The following SORCS2 variants were observed in gnomAD, a reference collection of about 807,000 sequenced individuals.
SORCS2 encodes the protein sortilin related VPS10 domain containing receptor 2, also known as VPS10 domain-containing receptor SorCS2.
In SORCS2, 100 loss-of-function variants were observed where a neutral mutation model predicts 141.6. The ratio of observed to expected loss-of-function variants is 0.71; its 90% CI spans 0.60 to 0.83. The LOEUF (loss-of-function observed/expected upper bound fraction) is 0.83, where lower values mean the gene tolerates loss of function less well. Among genes scored for constraint, SORCS2 ranks in the 40% least tolerant of loss-of-function variants. SORCS2 has a pLI of 0.00. For synonymous variants in SORCS2, 789 were observed against 676.9 expected (o/e 1.17, Z -2.57); for missense variants, 1,646 against 1,560.2 (o/e 1.05, Z -0.93).
intron 1 of SORCS2, among the ~76,000 whole-genome samples, chr4:7,392,740 G>C (rs775612109): frequency 5.3e-5 from 8 of 152,024 alleles, no homozygotes; most frequent in Non-Finnish European, 8.8e-5. Flanking sequence ...CATCACAGAG[G>C]GGGGAGGGCA....
intron 1 of SORCS2, among the ~76,000 whole-genome samples, chr4:7,298,626 G>C (rs1001545891): frequency 4.6e-5 from 7 of 152,186 alleles, no homozygotes; most frequent in African/African-American, 1.7e-4. Flanking sequence ...ACGGGAGAGG[G>C]CTGCCTGTCT....
chr4:7,434,432 G>A (rs768726316), intron 2 of SORCS2: 1 of 1,609,396 alleles, frequency 6.2e-7, no homozygotes, highest in Admixed American at 1.7e-5. Context: ...AGTGGCCTCA[G>A]GGTGGCCAGG....
intron 2 of SORCS2, among the ~76,000 whole-genome samples, chr4:7,404,086 G>A (rs1040467247): frequency 7.4e-5 from 11 of 148,818 alleles, no homozygotes; most frequent in African/African-American, 2.2e-4. Flanking sequence ...TGGGTTCTAC[G>A]TTCTGTTCCA....
At chr4:7,632,175 C>G (rs1719936958) in intron 3 of SORCS2, among the ~76,000 whole-genome samples, 2 of 152,132 alleles carry the variant, frequency 1.3e-5, no homozygotes, top group South Asian at 4.1e-4. Flanking sequence ...TTGCTGGTCC[C>G]CGTAAACTGT....
At chr4:7,503,436 A>G (rs1732091441) in intron 2 of SORCS2, among the ~76,000 whole-genome samples, 1 of 152,204 alleles carries the variant, frequency 6.6e-6, no homozygotes. Context: ...TGAGCTAGAG[A>G]CCGAGATGGA....
chr4:7,684,713 C>A (rs1444949543), intron 10 of SORCS2, among the ~76,000 whole-genome samples: 1 of 151,918 alleles, frequency 6.6e-6, no homozygotes, highest in Non-Finnish European at 1.5e-5. Flanking sequence ...AGGCACTGTT[C>A]TGCAGGCTCA....
chr4:7,466,040 C>G (rs1013593207), intron 2 of SORCS2, among the ~76,000 whole-genome samples: 4 of 152,154 alleles, frequency 2.6e-5, no homozygotes, highest in Admixed American at 6.5e-5. Context: ...TCTCACAGCT[C>G]GAAGACTATT....
At chr4:7,536,713 T>C (rs1157878333) in intron 3 of SORCS2, among the ~76,000 whole-genome samples, 1 of 152,200 alleles carries the variant, frequency 6.6e-6, no homozygotes, top group African/African-American at 2.4e-5. Context: ...AAAAATGGCC[T>C]TTATCATTGC....
At chr4:7,198,191 G>C (rs1727276715) in intron 1 of SORCS2, among the ~76,000 whole-genome samples, 1 of 152,128 alleles carries the variant, frequency 6.6e-6, no homozygotes, top group African/African-American at 2.4e-5. Context: ...TGCGTGGCTG[G>C]GCGCACAGGA....
At chr4:7,656,200 C>G (rs888209136) in intron 5 of SORCS2, among the ~76,000 whole-genome samples, 2 of 152,374 alleles carry the variant, frequency 1.3e-5, no homozygotes, top group African/African-American at 4.8e-5. Context: ...TTTTGTGAAG[C>G]TACACAGCAA....
At chr4:7,292,790 T>C (rs1233355553) in intron 1 of SORCS2, among the ~76,000 whole-genome samples, 1 of 152,212 alleles carries the variant, frequency 6.6e-6, no homozygotes, top group Non-Finnish European at 1.5e-5. Context: ...TTGATGAAGA[T>C]GCTACGAGCA....
chr4:7,624,670 A>G (rs116552101), intron 3 of SORCS2, among the ~76,000 whole-genome samples: 1 of 152,232 alleles, frequency 6.6e-6, no homozygotes. Context: ...TAAATGAACA[A>G]ATTGTTCACA....
intron 3 of SORCS2, among the ~76,000 whole-genome samples, chr4:7,614,160 CCCATCCA>C (rs769578696): frequency 6.6e-6 from 1 of 151,656 alleles, no homozygotes. Flanking sequence ...TACCCATCCA[CCCATCCA>C]CCATCCACCC....
intron 15 of SORCS2, among the ~76,000 whole-genome samples, chr4:7,713,524 C>T (rs953918240): frequency 3.3e-5 from 5 of 152,086 alleles, no homozygotes; most frequent in African/African-American, 4.8e-5. Flanking sequence ...TTGGGCTCAA[C>T]TTGAATTCAG....
At chr4:7,348,929 T>C (rs1174955702) in intron 1 of SORCS2, among the ~76,000 whole-genome samples, 1 of 152,230 alleles carries the variant, frequency 6.6e-6, no homozygotes, top group Admixed American at 6.5e-5. Flanking sequence ...GCGGCCTCAC[T>C]TTGTTGGAAA....
At chr4:7,633,060 A>G (rs948184185) in intron 3 of SORCS2, among the ~76,000 whole-genome samples, 1 of 152,172 alleles carries the variant, frequency 6.6e-6, no homozygotes, top group Non-Finnish European at 1.5e-5. Context: ...AGAATTTTGT[A>G]CTCAGAAAAT....
At chr4:7,627,834 T>C (rs1201398002) in intron 3 of SORCS2, among the ~76,000 whole-genome samples, 1 of 152,216 alleles carries the variant, frequency 6.6e-6, no homozygotes, top group Non-Finnish European at 1.5e-5. Flanking sequence ...CCACTTTCGG[T>C]ATCTGGTGGA....
intron 1 of SORCS2, among the ~76,000 whole-genome samples, chr4:7,265,029 C>T (rs992410098): frequency 2.0e-5 from 3 of 152,274 alleles, no homozygotes; most frequent in Non-Finnish European, 2.9e-5. Flanking sequence ...GCCGCCCTGG[C>T]GCCAGGCTTC....
intron 7 of SORCS2, among the ~76,000 whole-genome samples, chr4:7,666,872 C>CAT (rs371673908): frequency 5.3e-4 from 81 of 152,160 alleles, no homozygotes; most frequent in African/African-American, 1.9e-3. Flanking sequence ...TGCAGAGCAG[C>CAT]AAGGTGCTGA....
Sources: allele counts gnomAD v4.1 joint callset (sites outside exome capture counted in the v4.1 genomes callset), GRCh38; gene constraint gnomAD v4.1.1; transcripts MANE v1.5; gene names NCBI Gene and HGNC (gene_info 2026-07-23, HGNC 2026-07-21).